PCDH9: variants seen among roughly 807,000 people sequenced by gnomAD.
PCDH9 encodes protocadherin 9, also known as protocadherin-9.
PCDH9 carries 24 observed loss-of-function variants against 70.6 expected under a neutral mutation model. The ratio of observed to expected loss-of-function variants is 0.34; its 90% CI spans 0.25 to 0.48. The LOEUF (loss-of-function observed/expected upper bound fraction) is 0.48. Ranked by LOEUF, PCDH9 falls within the 20% of genes least tolerant of loss-of-function variation. The probability of loss-of-function intolerance (pLI) is 0.99; values close to 1 mark genes in which losing one functional copy is unlikely to be tolerated. For synonymous variants in PCDH9, 562 were observed against 558.5 expected, an observed-to-expected ratio of 1.01 and a Z score of -0.09; for missense variants, 1,281 against 1,503.6, an observed-to-expected ratio of 0.85 and a Z score of 2.45.
At chr13:66,955,492 C>A (rs962842165) in intron 2 of PCDH9, among the ~76,000 whole-genome samples, 1 of 152,002 alleles carries the variant, frequency 6.6e-6, no homozygotes, top group Non-Finnish European at 1.5e-5. Flanking sequence ...GAAAACTATG[C>A]CTCAGAACAA....
At position 67,227,837 on chromosome 13, in the gene PCDH9, G is replaced by C; in HGVS notation, c.604C>G (p.Pro202Ala). Residue 202 changes from proline (P) to alanine (A), a missense_variant, in exon 2 of 5, where the codon CCA (proline) becomes GCA (alanine). This residue lies in a region of PCDH9 where 798 missense variants were observed against 1,003.1 expected (regional missense o/e 0.80). Coordinates refer to ENST00000377865, the MANE Select transcript of PCDH9 (RefSeq NM_203487.3). This position sits in a 1 kb window ranked among gnomAD's most constrained non-coding sequence, Gnocchi z 4.6. Reference protein sequence around the residue: ...IVETPEGEKWPQLIVQQNLDR... With the variant: ...IVETPEGEKWAQLIVQQNLDR... ...AAGTTTTGCTGAACAATCAGTTGTG[G>C]CCACTTCTCTCCCTCTGGAGTTTCC... 6.2e-7 allele frequency: 1 copy of C among 1,613,958 alleles called. No homozygotes were observed. Among genetic ancestry groups the C allele is most frequent in the Non-Finnish European group, 8.5e-7 (1 of 1,179,902 alleles).
intron 3 of PCDH9, among the ~76,000 whole-genome samples, chr13:66,855,818 T>C (rs1361924570): frequency 2.0e-5 from 3 of 151,946 alleles, no homozygotes; most frequent in Non-Finnish European, 2.9e-5. Context: ...TATTTATATA[T>C]GAATAAACAT....
chr13:66,549,072 C>A (rs1961348789), intron 4 of PCDH9, among the ~76,000 whole-genome samples: 1 of 151,998 alleles, frequency 6.6e-6, no homozygotes, highest in Non-Finnish European at 1.5e-5. Context: ...TATTCTATTT[C>A]CAAGAAATTC....
intron 4 of PCDH9, among the ~76,000 whole-genome samples, chr13:66,380,898 T>C (rs1367927509): frequency 3.3e-5 from 5 of 152,166 alleles, no homozygotes; most frequent in African/African-American, 1.2e-4. Context: ...CTGTAAGATA[T>C]GATGTAATCT....
chr13:66,703,298 C>T (rs1401629073), intron 3 of PCDH9, among the ~76,000 whole-genome samples: 1 of 152,214 alleles, frequency 6.6e-6, no homozygotes, highest in Non-Finnish European at 1.5e-5. Flanking sequence ...TTCCCTCTCA[C>T]TAGCTCATAC....
At chr13:66,710,791 A>G (rs1406362470) in intron 3 of PCDH9, among the ~76,000 whole-genome samples, 1 of 151,818 alleles carries the variant, frequency 6.6e-6, no homozygotes, top group Non-Finnish European at 1.5e-5. Context: ...GCCTGCCTGT[A>G]TTCATTGGCT....
chr13:66,920,893 T>C (rs979007197), intron 2 of PCDH9, among the ~76,000 whole-genome samples: 1 of 151,236 alleles, frequency 6.6e-6, no homozygotes, highest in African/African-American at 2.4e-5. Flanking sequence ...AAAAACTGCT[T>C]CTTCCTATGA....
chr13:67,084,661 C>G (rs1214670053), intron 2 of PCDH9, among the ~76,000 whole-genome samples: 1 of 151,804 alleles, frequency 6.6e-6, no homozygotes, highest in Non-Finnish European at 1.5e-5. Flanking sequence ...TAAGAGGACC[C>G]CAAACTGGTT....
chr13:66,807,061 A>T (rs1210170591), intron 3 of PCDH9, among the ~76,000 whole-genome samples: 1 of 152,192 alleles, frequency 6.6e-6, no homozygotes. Flanking sequence ...CATTCTCAAA[A>T]CTCAAGTTTC....
intron 4 of PCDH9, among the ~76,000 whole-genome samples, chr13:66,607,703 G>T (rs1278982542): frequency 6.6e-6 from 1 of 151,986 alleles, no homozygotes; most frequent in Non-Finnish European, 1.5e-5. Flanking sequence ...ATAAATCCAA[G>T]ATCTAAACAT....
chr13:66,742,025 G>A (rs1318074224), intron 3 of PCDH9, among the ~76,000 whole-genome samples: 10 of 121,154 alleles, frequency 8.3e-5, no homozygotes, highest in African/African-American at 2.2e-4. Flanking sequence ...AAAAGAGCCC[G>A]CATTGCCAAG....
chr13:67,141,421 C>A lies in PCDH9; in HGVS notation c.3036+83984G>T, dbSNP rs1271585665. 2.0e-5 allele frequency among the ~76,000 whole-genome samples: 3 copies of A among 150,770 alleles called. No individual in the cohort carries two copies. In the East Asian group the frequency reaches 5.8e-4, roughly 29 times the overall value. On this transcript the variant is annotated intron_variant, in intron 2 of 4. Coordinates refer to ENST00000377865, the MANE Select transcript of PCDH9 (RefSeq NM_203487.3). ...TGGGCAATATAGTAAGATCTTCTCT[C>A]TCTCTCTCTCTCTTTATTTTATTAT...
chr13:66,538,533 C>A (rs1159005179), intron 4 of PCDH9, among the ~76,000 whole-genome samples: 1 of 152,108 alleles, frequency 6.6e-6, no homozygotes. Context: ...ATCTGCACAG[C>A]AAGCTGGCAG....
chr13:66,908,139 T>G (rs1157621251), intron 2 of PCDH9, among the ~76,000 whole-genome samples: 3 of 152,218 alleles, frequency 2.0e-5, no homozygotes, highest in Non-Finnish European at 4.4e-5. Flanking sequence ...GATCCACATG[T>G]ATTAGGTTTC....
intron 4 of PCDH9, among the ~76,000 whole-genome samples, chr13:66,499,496 G>T (rs538715610): frequency 6.6e-6 from 1 of 152,134 alleles, no homozygotes; most frequent in African/African-American, 2.4e-5. Context: ...AAATCATGAT[G>T]CTCAAGATGG....
chr13:67,170,396 T>C (rs2985920), intron 2 of PCDH9, among the ~76,000 whole-genome samples: 24,171 of 152,144 alleles, frequency 0.16, 2,052 homozygotes, highest in East Asian at 0.21. Flanking sequence ...TGTTACAAGT[T>C]ACTTAAAAAT....
chr13:66,460,321 T>C lies in PCDH9; in HGVS notation c.3341-155293A>G, dbSNP rs372180003. Among the ~76,000 whole-genome samples the C allele has an allele frequency of 1.7e-4, 26 of 152,008 alleles. No homozygotes were observed. The East Asian group carries it at 4.7e-3, about 27-fold the overall frequency. On this transcript the variant is annotated intron_variant, in intron 4 of 4. Transcript: ENST00000377865. ...TGCAGAACTGCTACCTTTTCTAATTTGAAGAGCTTTATCAGCCAGAAGTAA... is the reference window on the plus strand; with the variant it reads ...TGCAGAACTGCTACCTTTTCTAATTCGAAGAGCTTTATCAGCCAGAAGTAA...
intron 2 of PCDH9, among the ~76,000 whole-genome samples, chr13:67,000,553 T>G (rs1263600788): frequency 6.6e-6 from 1 of 151,698 alleles, no homozygotes; most frequent in African/African-American, 2.4e-5. Flanking sequence ...CCAATAAAGT[T>G]GGAGGATACA....
chr13:66,551,302 C>T (rs1413740594), intron 4 of PCDH9, among the ~76,000 whole-genome samples: 5 of 152,066 alleles, frequency 3.3e-5, no homozygotes, highest in Non-Finnish European at 7.4e-5. Context: ...AAGCACAATG[C>T]ATTTCACTGT....
Sources: allele counts gnomAD v4.1 joint callset (sites outside exome capture counted in the v4.1 genomes callset), GRCh38; gene constraint gnomAD v4.1.1; regional missense constraint gnomAD v4.1.1; non-coding constraint Gnocchi (gnomAD v3.1); transcripts MANE v1.5; gene names NCBI Gene and HGNC (gene_info 2026-07-23, HGNC 2026-07-21).